The following EPS8L1 variants were observed in gnomAD, a reference collection of about 807,000 sequenced individuals.
EPS8L1 encodes the protein epidermal growth factor receptor kinase substrate 8-like protein 1.
In EPS8L1, 101 loss-of-function variants were observed where a neutral mutation model predicts 91.7. That is an observed-to-expected ratio of 1.10 (90% CI 0.94 to 1.30). EPS8L1 has a LOEUF of 1.30. Ranked by LOEUF, EPS8L1 falls within the 50% of genes most tolerant of loss-of-function variation. The pLI, the probability that EPS8L1 is intolerant of heterozygous loss-of-function variation, is 0.00. For missense variants in EPS8L1, 1,114 were observed against 1,017.0 expected, an observed-to-expected ratio of 1.10 and a Z score of -1.30; for synonymous variants, 506 against 445.3, an observed-to-expected ratio of 1.14 and a Z score of -1.72.
At chr19:55,079,292 G>A (rs1458122486) in intron 4 of EPS8L1, among the ~76,000 whole-genome samples, 1 of 152,140 alleles carries the variant, frequency 6.6e-6, no homozygotes, top group African/African-American at 2.4e-5. Flanking sequence ...CTGGACAGTG[G>A]GACCACGGAG....
In EPS8L1 at chr19:55,079,752, G is replaced by A; in HGVS notation, c.180G>A (p.Arg60=). Residue 60 remains arginine (R), a synonymous_variant, in exon 5 of 20, where the codon AGG becomes AGA. Coordinates refer to ENST00000201647, the MANE Select transcript of EPS8L1 (RefSeq NM_133180.3). Reference sequence around the variant, plus strand: ...TGCATACCGTGGAGGATGCCTCCAGGAAGTTGGCCGTCATGGATAGCCAGG... The same window carrying A: ...TGCATACCGTGGAGGATGCCTCCAGAAAGTTGGCCGTCATGGATAGCCAGG... ...DGVHTVEDAS[R]KLAVMDSQGR... 1.2e-6 allele frequency: 2 copies of A among 1,614,196 alleles called. No individual in the cohort carries two copies. Among genetic ancestry groups the A allele is most frequent in the Non-Finnish European group, 1.7e-6 (2 of 1,180,026 alleles).
rs775206133 is a variant in EPS8L1, at chr19:55,082,536, G to T, written c.1148G>T (p.Arg383Leu). The T allele has an allele frequency of 6.2e-7, 1 of 1,609,416 alleles. No homozygotes were observed. The highest frequency in any genetic ancestry group is 8.5e-7 in the Non-Finnish European group (1 of 1,178,492). Residue 383 changes from arginine to leucine, a missense_variant, in exon 12 of 20, where the codon CGG (arginine) becomes CTG (leucine). Transcript: ENST00000201647. ...ACATCGGATGCCGTGGCGCTGCTGCGGGACAACGTCACTCCACGTGAAAAC... is the reference window on the plus strand; with the variant it reads ...ACATCGGATGCCGTGGCGCTGCTGCTGGACAACGTCACTCCACGTGAAAAC... ...HLTSDAVALL[R>L]DNVTPRENEL...
At position 55,082,469 on chromosome 19, in the gene EPS8L1, G is replaced by A. The variant is rs144463157; in HGVS notation, c.1081G>A (p.Gly361Arg). Residue 361 changes from glycine (G) to arginine (R), a missense_variant, in exon 12 of 20, where the codon GGG becomes AGG. Physicochemically the swap from Gly to Arg is moderately radical, Grantham distance 125. Transcript: ENST00000201647. ...CCCCTGACAGATTGTGAACACGTCG[G>A]GGGGGCCGGAGTTCGCGAGCAGTGT... Reference protein sequence around the residue: ...GPLQMIVNTSGGPEFASSVRR... With the variant: ...GPLQMIVNTSRGPEFASSVRR... 1.9e-5 allele frequency: 30 copies of A among 1,612,436 alleles called. No homozygotes were observed. The highest frequency in any genetic ancestry group is 2.4e-5 in the Non-Finnish European group (28 of 1,179,650).
rs763291965 is a variant in EPS8L1 at position 55,083,588 on chromosome 19, CCTGACCCGA to C, written c.1357-24_1357-16del. 1.3e-6 allele frequency: 2 copies of C among 1,595,470 alleles called. No homozygotes were observed. The highest frequency in any genetic ancestry group is 4.5e-5 in the East Asian group (2 of 44,146). ...GGCGCGGCCGGTCCGCCTGGCCCCG[CCTGACCCGA>C]CTGTCTTACTTCCTACAGCAAAGCG... On this transcript the variant is annotated intron_variant, in intron 13 of 19. Coordinates refer to ENST00000201647, the MANE Select transcript of EPS8L1 (RefSeq NM_133180.3). The surrounding 1 kb of genome is among the most constrained non-coding windows in gnomAD (Gnocchi z 4.7).
chr19:55,087,343 T>C lies in EPS8L1; in HGVS notation c.1993T>C (p.Phe665Leu). 1 of 1,612,584 alleles carries C rather than the reference T, an allele frequency of 6.2e-7. No homozygotes were observed. The highest frequency in any genetic ancestry group is 8.5e-7 in the Non-Finnish European group (1 of 1,179,768). The change falls in exon 19 of 20, where the codon TTC becomes CTC. Residue 665 changes from phenylalanine to leucine, a missense_variant. Phe to Leu is a conservative substitution (Grantham distance 22). Transcript: ENST00000201647. ...GGGTGTGCTGACCGGGGCGCAGCTT[T>C]TCTCGCTGCAGAAGGAGGAGCTGCG... ...ALGVLTGAQL[F>L]SLQKEELRAV...
chr19:55,086,672 C>T, intron 17 of EPS8L1, 42 bp from the exon 18 acceptor site: 1 of 1,589,142 alleles, frequency 6.3e-7, no homozygotes, highest in Non-Finnish European at 8.6e-7. Context: ...GGACCCCTCG[C>T]CCTGAGCCCG....
Position 55,080,797 on chromosome 19 carries a change from A to AT in EPS8L1, c.455_456insT (p.Gln152HisfsTer35), listed in dbSNP as rs776312142. 1 of 1,611,566 alleles carries AT rather than the reference A, an allele frequency of 6.2e-7. No homozygotes were observed. Among genetic ancestry groups the AT allele is most frequent in the South Asian group, 1.1e-5 (1 of 90,792 alleles). Reference sequence around the variant, plus strand: ...GCGGAGCTGATCCGAGAGGACATCCAGGGGGCTCTGCACAATTACCGCTCG... The same window carrying AT: ...GCGGAGCTGATCCGAGAGGACATCCATGGGGGCTCTGCACAATTACCGCTCG... On this transcript the variant is annotated frameshift_variant, in exon 7 of 20. Transcript: ENST00000201647. LOFTEE classifies it high-confidence loss of function.
chr19:55,079,480 G>C, intron 4 of EPS8L1: 1 of 627,960 alleles, frequency 1.6e-6, no homozygotes, highest in Non-Finnish European at 2.7e-6. Context: ...CCTCCAGTCT[G>C]TGAGAAGCCA....
intron 4 of EPS8L1, 55 bp from the exon 5 acceptor site, chr19:55,079,635 T>G (rs769633765): frequency 2.6e-5 from 41 of 1,574,886 alleles, no homozygotes; most frequent in Non-Finnish European, 3.2e-5. Flanking sequence ...TGGGGGATTC[T>G]GAGCCCACCT....
chr19:55,077,283 A>G (rs1654469), intron 2 of EPS8L1, among the ~76,000 whole-genome samples: 104,496 of 152,024 alleles, frequency 0.69, 36,520 homozygotes, highest in African/African-American at 0.81. Flanking sequence ...TAATGCTATT[A>G]TAACCATTCC....
intron 17 of EPS8L1, 35 bp downstream of exon 17, chr19:55,086,553 C>T (rs1265321202): frequency 6.5e-7 from 1 of 1,545,488 alleles, no homozygotes; most frequent in Non-Finnish European, 8.7e-7. Flanking sequence ...GGGGAGCGGT[C>T]CTTATCCTTG....
At position 55,082,731 on chromosome 19, in the gene EPS8L1, GTGT is replaced by G. The variant is rs1180771756; in HGVS notation, c.1214+132_1214+134del. 3.4e-5 allele frequency: 30 copies of G among 870,934 alleles called. No individual in the cohort carries two copies. The East Asian group carries it at 6.2e-4, about 18-fold the overall frequency. 54.0% of individuals were successfully genotyped at this position (870,934 alleles called of 1,614,324 possible). On this transcript the variant is annotated intron_variant, in intron 12 of 19. Transcript: ENST00000201647. ...GAGGGGTTAGAGGCGTGGCTTAGTTGTGTTGGGGCGGGGCTTAGGACAGATGCC... is the reference window on the plus strand; with the variant it reads ...GAGGGGTTAGAGGCGTGGCTTAGTTGTGGGGCGGGGCTTAGGACAGATGCC...
At position 55,083,300 on chromosome 19, in the gene EPS8L1, CTT is replaced by C. The variant is rs1217065290; in HGVS notation, c.1215-77_1215-76del. On this transcript the variant is annotated intron_variant, in intron 12 of 19. Transcript: ENST00000201647. The surrounding 1 kb of genome is among the most constrained non-coding windows in gnomAD (Gnocchi z 4.7). ...GAATACAGCGAGCTTTAGGGGAAAA[CTT>C]AGTGAAGTTAATGCAGGAACGAAGT... 3 of 1,550,954 alleles carry C rather than the reference CTT, an allele frequency of 1.9e-6. No individual in the cohort carries two copies. In the African/African-American group the frequency reaches 4.1e-5, roughly 21 times the overall value.
chr19:55,087,252 G>C (rs761195949), intron 18 of EPS8L1, 51 bp from the exon 19 acceptor site: 16 of 1,547,072 alleles, frequency 1.0e-5, no homozygotes, highest in Middle Eastern at 4.6e-4. Context: ...GATTGTCCGG[G>C]CTGGGGCATC....
rs1427907404 is a variant in EPS8L1 at position 55,081,145 on chromosome 19, CTG to C, written c.513-80_513-79del. On this transcript the variant is annotated intron_variant, in intron 7 of 19. Transcript: ENST00000201647. The surrounding 1 kb of genome is among the most constrained non-coding windows in gnomAD (Gnocchi z 4.9). ...TTCACTCCCTTTGAGCCTTTTGAGC[CTG>C]TGTGTCTCGTTCTGCGCCCTGGATT... The C allele has an allele frequency of 7.1e-7, 1 of 1,411,202 alleles. No individual in the cohort carries two copies. Among genetic ancestry groups the C allele is most frequent in the Non-Finnish European group, 9.3e-7 (1 of 1,078,068 alleles). The allele number at this position is 1,411,202 out of a possible 1,614,324, so 87.4% of individuals were successfully genotyped here.
chr19:55,079,674 C>A lies in EPS8L1; in HGVS notation c.118-16C>A, dbSNP rs758484363. On this transcript the variant is annotated splice_polypyrimidine_tract_variant and intron_variant, in intron 4 of 19. Transcript: ENST00000201647. ...ATCATCTTGGGCCTCACTGCTTTCT[C>A]CATGGTCCGTACCAGCACCTGGTGA... is the stretch of plus-strand genomic sequence containing the variant. 4.3e-6 allele frequency: 7 copies of A among 1,610,384 alleles called. No homozygotes were observed. In the South Asian group the frequency reaches 7.7e-5, roughly 18 times the overall value.
In EPS8L1 at chr19:55,077,809, A is replaced by G. The variant is rs548351449; in HGVS notation, c.18-279A>G. Reference sequence around the variant, plus strand: ...TCACCATGTTGGCCAAGATGGTCTCAATCTCTTGACTTTGTGATCCGCCCA... The same window carrying G: ...TCACCATGTTGGCCAAGATGGTCTCGATCTCTTGACTTTGTGATCCGCCCA... On this transcript the variant is annotated intron_variant, in intron 2 of 19. Transcript: ENST00000201647. 2.3e-3 allele frequency among the ~76,000 whole-genome samples: 343 copies of G among 150,980 alleles called. 3 individuals carry two copies. Among genetic ancestry groups the G allele is most frequent in the African/African-American group, 8.0e-3 (329 of 41,196 alleles).
chr19:55,078,088 C>T lies in EPS8L1; in HGVS notation c.18C>T (p.Gly6=). 6.2e-7 allele frequency: 1 copy of T among 1,613,868 alleles called. No homozygotes were observed. Among genetic ancestry groups the T allele is most frequent in the Non-Finnish European group, 8.5e-7 (1 of 1,179,906 alleles). ...CTCTCATTCCTCTTTTCTTCACCAG[C>T]CCAGAAGCTGCCCCAAAGCCAAGCG... MSTAT[G]PEAAPKPSAK... Residue 6 remains glycine, a splice_region_variant and synonymous_variant, in exon 3 of 20, where the codon GGC becomes GGT. Coordinates refer to ENST00000201647, the MANE Select transcript of EPS8L1 (RefSeq NM_133180.3).
intron 17 of EPS8L1, 47 bp from the exon 18 acceptor site, chr19:55,086,667 C>T (rs878909030): frequency 1.3e-6 from 2 of 1,580,438 alleles, no homozygotes; most frequent in South Asian, 1.2e-5. Context: ...CCCCAGGACC[C>T]CTCGCCCTGA....
Sources: allele counts gnomAD v4.1 joint callset (sites outside exome capture counted in the v4.1 genomes callset), GRCh38; gene constraint gnomAD v4.1.1; non-coding constraint Gnocchi (gnomAD v3.1); transcripts MANE v1.5; gene names NCBI Gene and HGNC (gene_info 2026-07-23, HGNC 2026-07-21).